Variants in CR1L observed in about 807,000 individuals in gnomAD.
CR1L encodes complement component receptor 1-like protein.
A neutral mutation model predicts 62.3 loss-of-function variants in CR1L; 59 were observed. The observed-to-expected ratio is 0.95, with a 90% CI of 0.77 to 1.18. CR1L has a LOEUF of 1.18. Ranked by LOEUF, CR1L falls within the 50% of genes most tolerant of loss-of-function variation. The pLI, the probability that CR1L is intolerant of heterozygous loss-of-function variation, is 0.00. For missense variants in CR1L, 700 were observed against 702.8 expected (o/e 1.00, Z 0.04); for synonymous variants, 279 against 248.7 (o/e 1.12, Z -1.15).
intron 1 of CR1L, among the ~76,000 whole-genome samples, chr1:207,672,732 T>A (rs1229389558): frequency 6.6e-6 from 1 of 152,174 alleles, no homozygotes; most frequent in Non-Finnish European, 1.5e-5. Context: ...CGCCCTCACA[T>A]GGTCCTCATG....
At chr1:207,721,157 T>A (rs192098219) in intron 11 of CR1L, among the ~76,000 whole-genome samples, 1 of 152,308 alleles carries the variant, frequency 6.6e-6, no homozygotes, top group Non-Finnish European at 1.5e-5. Flanking sequence ...CTGTTTAACC[T>A]CACTAGAACT....
At chr1:207,647,701 A>G (rs12038371) in intron 1 of CR1L, among the ~76,000 whole-genome samples, 34,364 of 152,140 alleles carry the variant, frequency 0.23, 4,848 homozygotes, top group Admixed American at 0.39. Context: ...TTAAAGAGCT[A>G]TGCTCAGGAT....
Position 207,645,243 on chromosome 1 carries a change from C to G in CR1L, c.10C>G (p.Pro4Ala), listed in dbSNP as rs965626094. MAP[P>A]VRLERPFPSR... ...GTCTCCCGCGCCGCTCATGGCGCCT[C>G]CCGTCCGTCTCGAGCGTCCCTTTCC... The change falls in exon 1 of 12, where the codon CCC becomes GCC. Residue 4 changes from proline to alanine, a missense_variant. Pro to Ala is a conservative substitution (Grantham distance 27, BLOSUM62 -1). Coordinates refer to ENST00000508064, the MANE Select transcript of CR1L (RefSeq NM_175710.2). The G allele has an allele frequency of 6.2e-7, 1 of 1,613,188 alleles. No homozygotes were observed. The highest frequency in any genetic ancestry group is 8.5e-7 in the Non-Finnish European group (1 of 1,179,980).
chr1:207,701,985 C>T (rs376457119), intron 9 of CR1L, among the ~76,000 whole-genome samples: 78 of 152,264 alleles, frequency 5.1e-4, no homozygotes, highest in Middle Eastern at 3.4e-3. Context: ...ACAGCATGAT[C>T]GCTTGCTAGG....
At chr1:207,715,713 T>C (rs150474000) in intron 10 of CR1L, among the ~76,000 whole-genome samples, 4 of 152,198 alleles carry the variant, frequency 2.6e-5, no homozygotes, top group African/African-American at 9.6e-5. Context: ...TCTTACATTT[T>C]TTTTTTCTTT....
In CR1L at chr1:207,683,925, T is replaced by C. The variant is rs1337048515; in HGVS notation, c.431T>C (p.Val144Ala). 3 of 1,613,586 alleles carry C rather than the reference T, an allele frequency of 1.9e-6. No homozygotes were observed. Among genetic ancestry groups the C allele is most frequent in the South Asian group, 1.1e-5 (1 of 91,014 alleles). Residue 144 changes from valine to alanine, a missense_variant, in exon 4 of 12, where the codon GTC (valine) becomes GCC (alanine). Physicochemically the swap from Val to Ala is moderately conservative, Grantham distance 64. Transcript: ENST00000508064. ...SATCIISGNT[V>A]IWDNKTPVCD... ...ACATGCATCATCTCAGGCAACACTG[T>C]CATTTGGGATAATAAAACACCTGTT...
chr1:207,706,346 G>C (rs1050054837), intron 9 of CR1L, among the ~76,000 whole-genome samples: 1 of 151,862 alleles, frequency 6.6e-6, no homozygotes, highest in Non-Finnish European at 1.5e-5. Flanking sequence ...ACCTCAGCCC[G>C]AGAGGCTGAG....
At chr1:207,718,853 C>G (rs1446115413) in intron 11 of CR1L, among the ~76,000 whole-genome samples, 3 of 150,468 alleles carry the variant, frequency 2.0e-5, no homozygotes, top group South Asian at 2.1e-4. Context: ...GACTTGGAAC[C>G]AACCCAAATG....
intron 1 of CR1L, chr1:207,659,015 C>T (rs1346396173): frequency 6.6e-6 from 1 of 152,446 alleles, no homozygotes; most frequent in African/African-American, 2.4e-5. Context: ...TGGGATGCAC[C>T]AAGCTGGGCC....
At chr1:207,702,397 A>G (rs1050400035) in intron 9 of CR1L, among the ~76,000 whole-genome samples, 9 of 152,278 alleles carry the variant, frequency 5.9e-5, no homozygotes, top group African/African-American at 2.2e-4. Context: ...AAATGAGGCC[A>G]ATTAATAGCC....
intron 8 of CR1L, among the ~76,000 whole-genome samples, chr1:207,700,766 C>G (rs1388800164): frequency 6.6e-6 from 1 of 152,206 alleles, no homozygotes; most frequent in Non-Finnish European, 1.5e-5. Context: ...TAGGCCCCTT[C>G]CTCAGCACTG....
Position 207,694,543 on chromosome 1 carries a change from T to C in CR1L, c.654T>C (p.Ser218=), listed in dbSNP as rs150964950. 468 of 1,612,800 alleles carry C rather than the reference T, an allele frequency of 2.9e-4. 4 individuals carry two copies. The East Asian group carries it at 8.7e-3, about 30-fold the overall frequency. ...AAGATGATCAAGTGGGCATCTGGAG[T>C]GGCCCAGCCCCTCAGTGCATTATAC... is the stretch of plus-strand genomic sequence containing the variant. The part of the protein sequence containing the change: ...TSKDDQVGIW[S]GPAPQCIIPN... Residue 218 remains serine, a synonymous_variant, in exon 5 of 12, where the codon AGT becomes AGC. Coordinates refer to ENST00000508064, the MANE Select transcript of CR1L (RefSeq NM_175710.2).
intron 9 of CR1L, among the ~76,000 whole-genome samples, chr1:207,705,424 T>C (rs1416501880): frequency 6.6e-6 from 1 of 152,208 alleles, no homozygotes; most frequent in Non-Finnish European, 1.5e-5. Context: ...CAGCTGTTGG[T>C]GCTCACCCTT....
At chr1:207,693,252 G>A (rs1664023593) in intron 4 of CR1L, among the ~76,000 whole-genome samples, 1 of 152,078 alleles carries the variant, frequency 6.6e-6, no homozygotes, top group Non-Finnish European at 1.5e-5. Flanking sequence ...TCGGTAGCTG[G>A]GATTACAGGC....
chr1:207,646,636 A>G (rs1211933747), intron 1 of CR1L, among the ~76,000 whole-genome samples: 2 of 140,844 alleles, frequency 1.4e-5, no homozygotes, highest in Non-Finnish European at 3.0e-5. Flanking sequence ...GCTTGAGCCC[A>G]GGAGGAGAAG....
At chr1:207,698,734 T>C (rs999425133) in intron 7 of CR1L, among the ~76,000 whole-genome samples, 3 of 152,230 alleles carry the variant, frequency 2.0e-5, no homozygotes, top group African/African-American at 7.2e-5. Context: ...TTGAGCCTTC[T>C]TCACGCCATC....
chr1:207,717,611 C>A lies in CR1L; in HGVS notation c.1562C>A (p.Thr521Asn). 6.2e-7 allele frequency: 1 copy of A among 1,613,982 alleles called. No homozygotes were observed. Among genetic ancestry groups the A allele is most frequent in the Non-Finnish European group, 8.5e-7 (1 of 1,179,878 alleles). Reference sequence around the variant, plus strand: ...ACCTTCAACCTCATTGGGGAGAGCACCATCCGCCGCACAAGTGAACCTCAT... The same window carrying A: ...ACCTTCAACCTCATTGGGGAGAGCAACATCCGCCGCACAAGTGAACCTCAT... The part of the protein sequence containing the change: ...GMTFNLIGES[T>N]IRRTSEPHGN... Residue 521 changes from threonine to asparagine, a missense_variant, in exon 11 of 12, where the codon ACC becomes AAC. Coordinates refer to ENST00000508064, the MANE Select transcript of CR1L (RefSeq NM_175710.2).
intron 1 of CR1L, among the ~76,000 whole-genome samples, chr1:207,671,870 G>A (rs182032854): frequency 6.6e-5 from 10 of 150,884 alleles, no homozygotes; most frequent in Admixed American, 3.9e-4. Flanking sequence ...GCAGTGAGCC[G>A]AGATCATGCC....
intron 11 of CR1L, among the ~76,000 whole-genome samples, chr1:207,718,748 A>G (rs967573910): frequency 1.3e-5 from 2 of 152,190 alleles, no homozygotes; most frequent in Non-Finnish European, 1.5e-5. Flanking sequence ...AATTGGACTT[A>G]GAACTTCTGT....
Sources: gnomAD v4.1 joint callset for allele counts (sites outside exome capture counted in the v4.1 genomes callset) on GRCh38, gnomAD v4.1.1 for gene constraint, MANE v1.5 for transcripts, NCBI Gene and HGNC (gene_info 2026-07-23, HGNC 2026-07-21) for gene names.